PLXND1: variants seen among roughly 807,000 people sequenced by gnomAD.
PLXND1 encodes plexin-D1.
In PLXND1, 54 loss-of-function variants were observed where a neutral mutation model predicts 197.7. The ratio of observed to expected loss-of-function variants is 0.27; its 90% CI spans 0.22 to 0.34. The LOEUF is 0.34. PLXND1 is among the 10% of genes least tolerant of loss of function. The pLI is 1.00. For missense variants in PLXND1, 2,127 were observed against 2,699.2 expected (o/e 0.79, Z 4.70); for synonymous variants, 1,180 against 1,161.2 (o/e 1.02, Z -0.33).
chr3:129,584,035 T>G, intron 7 of PLXND1, 90 bp downstream of exon 7: 1 of 798,146 alleles, frequency 1.3e-6, no homozygotes, highest in Middle Eastern at 2.3e-4. Flanking sequence ...GCTATGATTT[T>G]TCTTCTCAGG....
Position 129,606,386 on chromosome 3 carries a change from G to A in PLXND1, c.254C>T (p.Ala85Val). Reference protein sequence around the residue: ...AVNRLYQLSGANLSLEAEAAV... With the variant: ...AVNRLYQLSGVNLSLEAEAAV... ...CGCCTCGGCCTCCAGGCTCAGGTTG[G>A]CGCCCGACAGCTGATAGAGGCGGTT... The change falls in exon 1 of 36, where the codon GCC (alanine) becomes GTC (valine). Residue 85 changes from alanine to valine, a missense_variant. By Grantham distance (64) the Ala-to-Val change is moderately conservative (BLOSUM62 0). Transcript: ENST00000324093. 6.6e-7 allele frequency: 1 copy of A among 1,511,736 alleles called. No homozygotes were observed. 93.6% of individuals were successfully genotyped at this position (1,511,736 alleles called of 1,614,324 possible).
In PLXND1 at chr3:129,559,673, A is replaced by G; in HGVS notation, c.5244T>C (p.Ala1748=). 1 of 1,613,296 alleles carries G rather than the reference A, an allele frequency of 6.2e-7. No homozygotes were observed. The highest frequency in any genetic ancestry group is 8.5e-7 in the Non-Finnish European group (1 of 1,179,652). ...CGGGGTCGGAGATTCCCCTCTTCTCAGCCTGCTCCTCCAGGAAGTCGAAAA... is the reference window on the plus strand; with the variant it reads ...CGGGGTCGGAGATTCCCCTCTTCTCGGCCTGCTCCTCCAGGAAGTCGAAAA... ...KYFFDFLEEQ[A]EKRGISDPDT... is the part of the protein sequence containing the mutation. The change falls in exon 32 of 36, where the codon GCT becomes GCC. Residue 1748 remains alanine, a synonymous_variant. Transcript: ENST00000324093.
Position 129,606,228 on chromosome 3 carries a change from C to G in PLXND1, c.412G>C (p.Val138Leu). The G allele has an allele frequency of 6.3e-7, 1 of 1,577,956 alleles. No individual in the cohort carries two copies. The highest frequency in any genetic ancestry group is 1.1e-5 in the South Asian group (1 of 87,266). The change falls in exon 1 of 36, where the codon GTC becomes CTC. Residue 138 changes from valine to leucine, a missense_variant. Val to Leu is a conservative substitution (Grantham distance 32). This residue lies in a region of PLXND1 where 245 missense variants were observed against 267.1 expected (regional missense o/e 0.92). Coordinates refer to ENST00000324093, the MANE Select transcript of PLXND1 (RefSeq NM_015103.3). ...LQLDPGQGLVVVCGSIYQGFC... is the reference protein window; with the variant it reads ...LQLDPGQGLVLVCGSIYQGFC... The stretch of plus-strand genomic sequence containing the variant: ...CCCTGGTAGATGGACCCGCACACGA[C>G]TACCAGGCCCTGGCCGGGGTCCAGC...
Position 129,605,678 on chromosome 3 carries a change from A to C in PLXND1, c.962T>G (p.Ile321Ser). 6.5e-7 allele frequency: 1 copy of C among 1,537,786 alleles called. No individual in the cohort carries two copies. The highest frequency in any genetic ancestry group is 8.7e-7 in the Non-Finnish European group (1 of 1,145,054). Residue 321 changes from isoleucine (I) to serine (S), a missense_variant, in exon 1 of 36, where the codon ATC (isoleucine) becomes AGC (serine). This residue lies in a region of PLXND1 where 1,095 missense variants were observed against 1,259.8 expected (regional missense o/e 0.87). Transcript: ENST00000324093. ...ESQARSLLAR[I>S]CLPHGAGGDA... ...GCCGCCGGCGCCGTGGGGCAGGCAG[A>C]TGCGCGCCAGCAGGCTCCGCGCCTG... is the stretch of plus-strand genomic sequence containing the variant.
At chr3:129,589,310 T>TGGCCCCCCCCCCCCCCCCCCCCCCCCCCC in intron 2 of PLXND1, 41 bp downstream of exon 2, 5 of 501,286 alleles carry the variant, frequency 1.0e-5, no homozygotes, top group East Asian at 5.1e-5. Flanking sequence ...CAGGGGAGCC[T>TGGCCCCCCCCCCCCCCCCCCCCCCCCCCC]CCCACCCCCA....
chr3:129,573,770 C>A (rs761807309), intron 12 of PLXND1, 25 bp from the exon 13 acceptor site: 68 of 1,608,314 alleles, frequency 4.2e-5, no homozygotes, highest in Middle Eastern at 3.7e-4. Flanking sequence ...GAGAGAGGGG[C>A]GAATGGGATC....
chr3:129,581,068 G>A (rs2085380969), intron 8 of PLXND1, among the ~76,000 whole-genome samples: 1 of 152,110 alleles, frequency 6.6e-6, no homozygotes, highest in African/African-American at 2.4e-5. Context: ...GACCATGAGG[G>A]ACAATGGGAA....
chr3:129,567,651 T>C (rs775763653), intron 21 of PLXND1, 47 bp from the exon 22 acceptor site: 2 of 1,579,784 alleles, frequency 1.3e-6, no homozygotes, highest in South Asian at 1.1e-5. Context: ...ACCCATCCCC[T>C]AGGAGGGAAA....
At chr3:129,563,049 C>T (rs745527529) in intron 26 of PLXND1, 45 bp downstream of exon 26, 29 of 1,611,402 alleles carry the variant, frequency 1.8e-5, no homozygotes, top group Middle Eastern at 1.8e-4. Context: ...ATGCCGTTGG[C>T]GGCGACACAG....
At chr3:129,591,089 T>TA (rs1236612745) in intron 1 of PLXND1, among the ~76,000 whole-genome samples, 1 of 152,194 alleles carries the variant, frequency 6.6e-6, no homozygotes, top group Non-Finnish European at 1.5e-5. Flanking sequence ...TAAACACAGT[T>TA]ACGGCCGGAT....
chr3:129,606,166 G>T lies in PLXND1; in HGVS notation c.474C>A (p.Ala158=), dbSNP rs746758587. The part of the protein sequence containing the change: ...CQLRRRGNIS[A]VAVRFPPAAP... Reference sequence around the variant, plus strand: ...CGGCGGGCGGGAAGCGCACGGCCACGGCCGAGATGTTGCCCCGGCGCCGCA... The same window carrying T: ...CGGCGGGCGGGAAGCGCACGGCCACTGCCGAGATGTTGCCCCGGCGCCGCA... The change falls in exon 1 of 36, where the codon GCC becomes GCA. Residue 158 remains alanine, a synonymous_variant. Coordinates refer to ENST00000324093, the MANE Select transcript of PLXND1 (RefSeq NM_015103.3). 10 of 1,534,572 alleles carry T rather than the reference G, an allele frequency of 6.5e-6. No individual in the cohort carries two copies. The South Asian group carries it at 1.1e-4, about 17-fold the overall frequency.
Position 129,606,249 on chromosome 3 carries a change from C to A in PLXND1, c.391G>T (p.Asp131Tyr). The change falls in exon 1 of 36, where the codon GAC (aspartate) becomes TAC (tyrosine). Residue 131 changes from aspartate (D) to tyrosine (Y), a missense_variant. This residue lies in a region of PLXND1 where 245 missense variants were observed against 267.1 expected (regional missense o/e 0.92). Transcript: ENST00000324093. ...TDNYNKILQL[D>Y]PGQGLVVVCG... ...ACGACTACCAGGCCCTGGCCGGGGT[C>A]CAGCTGCAGGATCTTGTTGTAGTTG... 1.9e-6 allele frequency: 3 copies of A among 1,572,324 alleles called. No individual in the cohort carries two copies. The highest frequency in any genetic ancestry group is 2.6e-6 in the Non-Finnish European group (3 of 1,164,534).
At chr3:129,561,104 G>T (rs191020486) in intron 29 of PLXND1, 1 of 474,870 alleles carries the variant, frequency 2.1e-6, no homozygotes, top group South Asian at 1.5e-5. Flanking sequence ...TGCAGCCACG[G>T]GGGAGGAGGG....
At chr3:129,565,585 C>A in intron 24 of PLXND1, 47 bp from the exon 25 acceptor site, 1 of 1,529,226 alleles carries the variant, frequency 6.5e-7, no homozygotes, top group Non-Finnish European at 9.0e-7. Context: ...GCCCTAGGAG[C>A]TGTGGGTCCC....
chr3:129,576,179 C>T (rs1317168971), intron 9 of PLXND1, among the ~76,000 whole-genome samples: 1 of 152,254 alleles, frequency 6.6e-6, no homozygotes, highest in Non-Finnish European at 1.5e-5. Context: ...GCGGGGTTCC[C>T]CTGCTCTTCG....
At chr3:129,560,487 C>G in intron 30 of PLXND1, 53 bp from the exon 31 acceptor site, 5 of 1,288,360 alleles carry the variant, frequency 3.9e-6, no homozygotes, top group Non-Finnish European at 4.5e-6. Context: ...CCTCGGCCGC[C>G]TGTGGGAGGT....
At chr3:129,594,095 C>A (rs535632672) in intron 1 of PLXND1, among the ~76,000 whole-genome samples, 1 of 152,214 alleles carries the variant, frequency 6.6e-6, no homozygotes. Context: ...GAAAAGGATG[C>A]GGCATTAACA....
In PLXND1 at chr3:129,572,857, G is replaced by A; in HGVS notation, c.2922C>T (p.Asp974=). ...VNASKEGKSR[D]RFSYVLPLVH... ...CCCCCCTTACCACGTAGGAGAAGCGGTCCCGGGACTTGCCCTCCTTAGAGG... is the reference window on the plus strand; with the variant it reads ...CCCCCCTTACCACGTAGGAGAAGCGATCCCGGGACTTGCCCTCCTTAGAGG... The change falls in exon 14 of 36, where the codon GAC becomes GAT. Residue 974 remains aspartate (D), a synonymous_variant. Coordinates refer to ENST00000324093, the MANE Select transcript of PLXND1 (RefSeq NM_015103.3). 1.9e-6 allele frequency: 3 copies of A among 1,613,772 alleles called. No individual in the cohort carries two copies. Among genetic ancestry groups the A allele is most frequent in the Non-Finnish European group, 2.5e-6 (3 of 1,179,826 alleles).
chr3:129,560,718 C>T lies in PLXND1; in HGVS notation c.4999G>A (p.Asp1667Asn). The stretch of plus-strand genomic sequence containing the variant: ...TGGAAATACTTCTCTGTGTCCAAGT[C>T]TTTCACTGTGAGAGGAAAAACACAA... The part of the protein sequence containing the change: ...KKDNTLGRVK[D>N]LDTEKYFHLV... The change falls in exon 30 of 36, where the codon GAC (aspartate) becomes AAC (asparagine). Residue 1667 changes from aspartate to asparagine, a missense_variant. Physicochemically the swap from Asp to Asn is conservative, Grantham distance 23. Around this residue, in one of 6 missense-constraint regions of PLXND1, gnomAD observed 53 missense variants for 41.4 expected, o/e 1.28. Transcript: ENST00000324093. 5 of 1,596,078 alleles carry T rather than the reference C, an allele frequency of 3.1e-6. No homozygotes were observed. Among genetic ancestry groups the T allele is most frequent in the Non-Finnish European group, 4.3e-6 (5 of 1,163,800 alleles).
Sources: gnomAD v4.1 joint callset for allele counts (sites outside exome capture counted in the v4.1 genomes callset) on GRCh38, gnomAD v4.1.1 for gene constraint, gnomAD v4.1.1 regional missense constraint, MANE v1.5 for transcripts, NCBI Gene and HGNC (gene_info 2026-07-23, HGNC 2026-07-21) for gene names.